PTPN5: variants seen among roughly 807,000 people sequenced by gnomAD.
PTPN5 encodes the protein protein tyrosine phosphatase non-receptor type 5, also known as tyrosine-protein phosphatase non-receptor type 5.
PTPN5 carries 29 observed loss-of-function variants against 73.9 expected under a neutral mutation model. The observed-to-expected ratio is 0.39, with a 90% confidence interval of 0.29 to 0.54. The LOEUF (loss-of-function observed/expected upper bound fraction) is 0.54, where lower values mean the gene tolerates loss of function less well. Among genes scored for constraint, PTPN5 ranks in the 20% least tolerant of loss-of-function variants. The pLI, the probability that PTPN5 is intolerant of heterozygous loss-of-function variation, is 0.65. For synonymous variants in PTPN5, 267 were observed against 304.7 expected, an observed-to-expected ratio of 0.88 and a Z score of 1.29; for missense variants, 652 against 751.4, an observed-to-expected ratio of 0.87 and a Z score of 1.55.
At chr11:18,765,953 TAAG>T (rs1175815133) in intron 2 of PTPN5, 70 bp from the exon 3 acceptor site, 3 of 1,133,698 alleles carry the variant, frequency 2.6e-6, no homozygotes, top group Non-Finnish European at 2.6e-6. Context: ...TGAGCAAAGA[TAAG>T]AAGGCTCCCT....
chr11:18,756,052 G>A (rs1396940150), intron 3 of PTPN5, among the ~76,000 whole-genome samples: 4 of 149,052 alleles, frequency 2.7e-5, no homozygotes, highest in African/African-American at 7.4e-5. Flanking sequence ...TAATAGTCAC[G>A]TCAGGCACAG....
intron 3 of PTPN5, among the ~76,000 whole-genome samples, chr11:18,762,973 T>G (rs1564915542): frequency 6.6e-6 from 1 of 152,210 alleles, no homozygotes; most frequent in Non-Finnish European, 1.5e-5. Context: ...GCCCAGCACA[T>G]GTAGGTGCTC....
chr11:18,735,747 A>G (rs989492940), intron 9 of PTPN5, among the ~76,000 whole-genome samples: 5 of 150,842 alleles, frequency 3.3e-5, no homozygotes, highest in African/African-American at 1.2e-4. Flanking sequence ...CCTGGGCAGC[A>G]GAGTGAGACT....
rs975757170 is a variant in PTPN5 at position 18,770,445 on chromosome 11, C to T, written c.20+1494G>A. Among the ~76,000 whole-genome samples, 13 of 152,306 alleles carry T rather than the reference C, an allele frequency of 8.5e-5. No individual in the cohort carries two copies. The South Asian group carries it at 1.9e-3, about 22-fold the overall frequency. ...TTTGGCTTCTTGCACTTAGCAAGTC[C>T]GTAGCATACATCAGTACTTCATTCC... On this transcript the variant is annotated intron_variant, in intron 2 of 14. Coordinates refer to ENST00000358540, the MANE Select transcript of PTPN5 (RefSeq NM_006906.2).
intron 8 of PTPN5, 82 bp downstream of exon 8, chr11:18,740,521 G>C: frequency 7.9e-7 from 1 of 1,271,272 alleles, no homozygotes; most frequent in Non-Finnish European, 1.0e-6. Flanking sequence ...CTGAGTTCCA[G>C]GCACCACGCT....
intron 2 of PTPN5, among the ~76,000 whole-genome samples, chr11:18,771,664 A>G (rs1850906581): frequency 6.6e-6 from 1 of 152,178 alleles, no homozygotes; most frequent in African/African-American, 2.4e-5. Flanking sequence ...CAGGGTTGGT[A>G]GCTTTAGGGG....
intron 3 of PTPN5, among the ~76,000 whole-genome samples, chr11:18,756,620 G>C (rs1850149302): frequency 6.6e-6 from 1 of 151,690 alleles, no homozygotes; most frequent in African/African-American, 2.4e-5. Flanking sequence ...TAACCACTTG[G>C]AATTAAAAAG....
intron 9 of PTPN5, among the ~76,000 whole-genome samples, chr11:18,734,967 G>A (rs1359323489): frequency 6.6e-6 from 1 of 152,202 alleles, no homozygotes; most frequent in Non-Finnish European, 1.5e-5. Flanking sequence ...TGACTTACTA[G>A]CAGTGTCAAC....
At position 18,765,847 on chromosome 11, in the gene PTPN5, C is replaced by G. The variant is rs140963860; in HGVS notation, c.57G>C (p.Glu19Asp). 4.0e-4 allele frequency: 627 copies of G among 1,583,172 alleles called. 3 individuals carry two copies. The African/African-American group carries it at 7.2e-3, about 18-fold the overall frequency. ...TGCAGCACATGTCCAGGGCCCCTCC[C>G]TCGGAGTCATCAGCAGCGTGGTTCT... ...ERENHAADDS[E>D]GGALDMCCSE... Residue 19 changes from glutamate to aspartate, a missense_variant, in exon 3 of 15, where the codon GAG becomes GAC. Around this residue, in one of 3 missense-constraint regions of PTPN5, gnomAD observed 529 missense variants for 573.9 expected, o/e 0.92. Transcript: ENST00000358540.
intron 9 of PTPN5, among the ~76,000 whole-genome samples, chr11:18,734,565 C>T (rs914405354): frequency 1.3e-5 from 2 of 152,198 alleles, no homozygotes; most frequent in Admixed American, 1.3e-4. Flanking sequence ...CAATTCCTGG[C>T]TCAAGTGATC....
rs779786567 is a variant in PTPN5, at chr11:18,742,552, C to A, written c.484-49G>T. On this transcript the variant is annotated intron_variant, in intron 6 of 14. Coordinates refer to ENST00000358540, the MANE Select transcript of PTPN5 (RefSeq NM_006906.2). This position sits in a 1 kb window ranked among gnomAD's most constrained non-coding sequence, Gnocchi z 4.1. ...AGATTTCGGACCACGCTGGCTGCCC[C>A]CCGTGTTCCTGGAGTGCCCATGGGA... The A allele has an allele frequency of 8.1e-6, 13 of 1,599,702 alleles. No individual in the cohort carries two copies. In the East Asian group the frequency reaches 2.2e-4, roughly 27 times the overall value.
At chr11:18,767,572 A>G (rs1361821998) in intron 2 of PTPN5, among the ~76,000 whole-genome samples, 3 of 152,144 alleles carry the variant, frequency 2.0e-5, no homozygotes, top group Admixed American at 6.5e-5. Context: ...CATTCTCCAC[A>G]TGGCTCCAGT....
chr11:18,751,691 A>C (rs1849895779), intron 3 of PTPN5, among the ~76,000 whole-genome samples: 1 of 152,220 alleles, frequency 6.6e-6, no homozygotes, highest in Non-Finnish European at 1.5e-5. Flanking sequence ...TGGGAAAAGG[A>C]ATCAAATTTT....
At chr11:18,777,950 G>C (rs1272612541) in intron 1 of PTPN5, among the ~76,000 whole-genome samples, 2 of 143,666 alleles carry the variant, frequency 1.4e-5, no homozygotes, top group African/African-American at 5.3e-5. Flanking sequence ...GTCAGAAAAA[G>C]AAAGGAAGAA....
intron 11 of PTPN5, 78 bp from the exon 12 acceptor site, chr11:18,732,780 G>A: frequency 8.2e-7 from 1 of 1,224,880 alleles, no homozygotes; most frequent in Non-Finnish European, 1.2e-6. Context: ...AGGGCCAGCG[G>A]AGAGATACAC....
chr11:18,749,748 C>A (rs1849801017), intron 3 of PTPN5, among the ~76,000 whole-genome samples: 3 of 152,174 alleles, frequency 2.0e-5, no homozygotes, highest in Admixed American at 2.0e-4. Flanking sequence ...CAAATCCCAC[C>A]ATTGAACTCT....
At chr11:18,786,417 T>C (rs925306397) in intron 1 of PTPN5, among the ~76,000 whole-genome samples, 1 of 152,096 alleles carries the variant, frequency 6.6e-6, no homozygotes, top group African/African-American at 2.4e-5. Flanking sequence ...TTAGCCAGGA[T>C]AGTCTCGATC....
At chr11:18,734,213 A>C (rs1849015869) in intron 9 of PTPN5, among the ~76,000 whole-genome samples, 1 of 152,224 alleles carries the variant, frequency 6.6e-6, no homozygotes, top group South Asian at 2.1e-4. Flanking sequence ...TAGAAAGTTG[A>C]CGGAGGCTAT....
intron 1 of PTPN5, among the ~76,000 whole-genome samples, chr11:18,782,073 G>T (rs1036147346): frequency 6.6e-6 from 1 of 152,196 alleles, no homozygotes; most frequent in African/African-American, 2.4e-5. Flanking sequence ...ACGGCTTCAT[G>T]AATCAGCCTA....
Sources: gnomAD v4.1 joint callset for allele counts (sites outside exome capture counted in the v4.1 genomes callset) on GRCh38, gnomAD v4.1.1 for gene constraint, gnomAD v4.1.1 regional missense constraint, Gnocchi (gnomAD v3.1) non-coding constraint, MANE v1.5 for transcripts, NCBI Gene and HGNC (gene_info 2026-07-23, HGNC 2026-07-21) for gene names.